PRKG1: variants seen among roughly 807,000 people sequenced by gnomAD.
PRKG1 encodes cGMP-dependent protein kinase 1.
Under a neutral mutation model 88.1 loss-of-function variants are expected in PRKG1, and 35 were observed. The observed-to-expected ratio is 0.40, with a 90% CI of 0.30 to 0.53. PRKG1 has a LOEUF of 0.53. PRKG1 is among the 20% of genes least tolerant of loss of function. The pLI is 0.59. For synonymous variants in PRKG1, 303 were observed against 292.5 expected, an observed-to-expected ratio of 1.04 and a Z score of -0.37; for missense variants, 540 against 839.8, an observed-to-expected ratio of 0.64 and a Z score of 4.41.
At chr10:51,732,035 TTTCC>T (rs367570976) in intron 3 of PRKG1, among the ~76,000 whole-genome samples, 16 of 133,804 alleles carry the variant, frequency 1.2e-4, no homozygotes, top group South Asian at 8.1e-4. Flanking sequence ...TCCTTCCTTC[TTTCC>T]TTCCTTCCTT....
chr10:52,024,389 T>A (rs1393718673), intron 5 of PRKG1, among the ~76,000 whole-genome samples: 3 of 152,164 alleles, frequency 2.0e-5, no homozygotes, highest in Admixed American at 2.0e-4. Flanking sequence ...TGCAGGTTTT[T>A]AACATGTGTA....
At chr10:51,316,358 T>G (rs1463901766) in intron 2 of PRKG1, among the ~76,000 whole-genome samples, 5 of 152,206 alleles carry the variant, frequency 3.3e-5, no homozygotes, top group African/African-American at 1.2e-4. Flanking sequence ...AATGAAGAGT[T>G]CTTAAATCAT....
chr10:52,294,598 A>T lies in PRKG1; in HGVS notation c.*698A>T, dbSNP rs1249067772. 2 of 152,594 alleles carry T rather than the reference A, an allele frequency of 1.3e-5. No homozygotes were observed. The highest frequency in any genetic ancestry group is 4.8e-5 in the African/African-American group (2 of 41,460). The allele number at this position is 152,594 out of a possible 1,614,324, so 9.5% of individuals were successfully genotyped here. A position where few individuals can be genotyped will look rare whatever the true frequency, so the allele number is the denominator to read the frequency against. ...ATATGAGTTTTCACAGAAGACTGAA[A>T]AATAATGCATGATATTTGTTTGTTT... On this transcript the variant is annotated 3_prime_UTR_variant, in exon 18 of 18. Transcript: ENST00000373980.
intron 2 of PRKG1, among the ~76,000 whole-genome samples, chr10:51,375,462 A>G: frequency 6.6e-6 from 1 of 151,942 alleles, no homozygotes; most frequent in Non-Finnish European, 1.5e-5. Flanking sequence ...CATAGAAGAC[A>G]TACTGGCTGA....
At chr10:52,019,186 C>T (rs1203640520) in intron 5 of PRKG1, among the ~76,000 whole-genome samples, 1 of 152,080 alleles carries the variant, frequency 6.6e-6, no homozygotes, top group African/African-American at 2.4e-5. Flanking sequence ...GGAGGGAAGG[C>T]ATTAATCTAT....
chr10:51,966,681 C>T (rs916101916), intron 5 of PRKG1, among the ~76,000 whole-genome samples: 3 of 152,162 alleles, frequency 2.0e-5, no homozygotes, highest in African/African-American at 7.2e-5. Flanking sequence ...GGCTGAAATT[C>T]TATAGGGCTC....
chr10:51,834,751 G>T (rs912953265), intron 4 of PRKG1, among the ~76,000 whole-genome samples: 1 of 151,576 alleles, frequency 6.6e-6, no homozygotes. Flanking sequence ...AAAAAGAAAA[G>T]AAAGGAAAAG....
At chr10:51,644,588 T>C (rs901190078) in intron 3 of PRKG1, among the ~76,000 whole-genome samples, 1 of 152,214 alleles carries the variant, frequency 6.6e-6, no homozygotes, top group Non-Finnish European at 1.5e-5. Flanking sequence ...TAGTAGTCTT[T>C]AACAGCTTTA....
intron 5 of PRKG1, among the ~76,000 whole-genome samples, chr10:52,020,943 T>C (rs1028116574): frequency 6.6e-6 from 1 of 152,144 alleles, no homozygotes; most frequent in Non-Finnish European, 1.5e-5. Context: ...GGCCTCTCCC[T>C]GGTGCCTGCT....
At chr10:52,170,253 C>T (rs889473552) in intron 9 of PRKG1, among the ~76,000 whole-genome samples, 1 of 152,142 alleles carries the variant, frequency 6.6e-6, no homozygotes, top group Non-Finnish European at 1.5e-5. Context: ...TTAATAAAAA[C>T]CCACCTTGTA....
intron 8 of PRKG1, among the ~76,000 whole-genome samples, chr10:52,147,546 GCCAATTATA>G (rs1837765351): frequency 6.6e-6 from 1 of 152,182 alleles, no homozygotes; most frequent in African/African-American, 2.4e-5. Context: ...ACCATGCTCT[GCCAATTATA>G]CCAACTCTTG....
At chr10:52,269,244 A>G (rs1841655317) in intron 10 of PRKG1, among the ~76,000 whole-genome samples, 1 of 152,026 alleles carries the variant, frequency 6.6e-6, no homozygotes, top group African/African-American at 2.4e-5. Context: ...CTCATTTTTC[A>G]TGCCATCTTC....
chr10:51,241,616 A>G (rs1839154764), intron 2 of PRKG1, among the ~76,000 whole-genome samples: 1 of 152,158 alleles, frequency 6.6e-6, no homozygotes, highest in African/African-American at 2.4e-5. Flanking sequence ...TGCAAACCCA[A>G]ACCTATAAAG....
intron 3 of PRKG1, among the ~76,000 whole-genome samples, chr10:51,768,822 T>G (rs1458530206): frequency 6.6e-6 from 1 of 152,176 alleles, no homozygotes; most frequent in South Asian, 2.1e-4. Context: ...TCTATTTTTT[T>G]GTAAAATGCT....
chr10:51,497,687 G>C (rs943544023), intron 3 of PRKG1, among the ~76,000 whole-genome samples: 21 of 152,142 alleles, frequency 1.4e-4, no homozygotes, highest in Admixed American at 7.2e-4. Context: ...TCAGGTAGGA[G>C]TCTTGTAAAG....
intron 2 of PRKG1, among the ~76,000 whole-genome samples, chr10:51,450,761 T>C (rs1564501836): frequency 6.6e-6 from 1 of 151,818 alleles, no homozygotes; most frequent in Non-Finnish European, 1.5e-5. Context: ...AAGAGTGCTT[T>C]GTGAAGAAGC....
chr10:51,879,693 CT>C (rs1841388926), intron 4 of PRKG1, among the ~76,000 whole-genome samples: 2 of 151,756 alleles, frequency 1.3e-5, no homozygotes, highest in East Asian at 3.9e-4. Context: ...GTATATAGGT[CT>C]TCTGATGCCA....
intron 1 of PRKG1, among the ~76,000 whole-genome samples, chr10:50,994,173 A>AAT: frequency 6.6e-6 from 1 of 152,156 alleles, no homozygotes; most frequent in South Asian, 2.1e-4. Context: ...CAGGTATAAT[A>AAT]TATGGGGAGA....
intron 2 of PRKG1, among the ~76,000 whole-genome samples, chr10:51,233,233 T>C (rs1265767087): frequency 6.6e-6 from 1 of 152,186 alleles, no homozygotes; most frequent in Admixed American, 6.5e-5. Context: ...TTTGACATTG[T>C]TGTATTCACA....
Sources: allele counts gnomAD v4.1 joint callset (sites outside exome capture counted in the v4.1 genomes callset), GRCh38; gene constraint gnomAD v4.1.1; transcripts MANE v1.5; gene names NCBI Gene and HGNC (gene_info 2026-07-23, HGNC 2026-07-21).